Variants in PDZRN3 observed in about 807,000 individuals in gnomAD.
PDZRN3 encodes PDZ domain containing ring finger 3.
A neutral mutation model predicts 85.7 loss-of-function variants in PDZRN3; 38 were observed. The ratio of observed to expected loss-of-function variants is 0.44; its 90% CI spans 0.34 to 0.58. The LOEUF (loss-of-function observed/expected upper bound fraction) is 0.58. Among genes scored for constraint, PDZRN3 ranks in the 20% least tolerant of loss-of-function variants. PDZRN3 has a pLI of 0.01. For synonymous variants in PDZRN3, 759 were observed against 638.0 expected (o/e 1.19, Z -2.86); for missense variants, 1,629 against 1,506.4 (o/e 1.08, Z -1.35).
At chr3:73,476,295 C>T (rs967565764) in intron 3 of PDZRN3, among the ~76,000 whole-genome samples, 7 of 152,190 alleles carry the variant, frequency 4.6e-5, no homozygotes, top group African/African-American at 1.4e-4. Context: ...GAAGCTGGCA[C>T]ATCTTCACCT....
At chr3:73,499,098 C>A (rs558025781) in intron 3 of PDZRN3, among the ~76,000 whole-genome samples, 1 of 152,148 alleles carries the variant, frequency 6.6e-6, no homozygotes, top group Non-Finnish European at 1.5e-5. Context: ...AACAACCACA[C>A]GGCTGGTTCT....
intron 3 of PDZRN3, among the ~76,000 whole-genome samples, chr3:73,578,928 G>A (rs114666855): frequency 0.013 from 1,989 of 152,226 alleles, 19 homozygotes; most frequent in Middle Eastern, 0.034. Flanking sequence ...CCTCTTAGCC[G>A]GTCCCTACTC....
Position 73,568,317 on chromosome 3 carries a change from C to T in PDZRN3, c.918+34037G>A, listed in dbSNP as rs77258370. 7.2e-5 allele frequency among the ~76,000 whole-genome samples: 11 copies of T among 151,982 alleles called. No homozygotes were observed. The East Asian group carries it at 1.9e-3, about 27-fold the overall frequency. ...AGGTTAAAAGCCCTATAGTTATGTGCCTTTATTATAAATCTTCCCCTAAAA... is the reference window on the plus strand; with the variant it reads ...AGGTTAAAAGCCCTATAGTTATGTGTCTTTATTATAAATCTTCCCCTAAAA... On this transcript the variant is annotated intron_variant, in intron 3 of 9. Coordinates refer to ENST00000263666, the MANE Select transcript of PDZRN3 (RefSeq NM_015009.3).
At chr3:73,496,582 A>C (rs1703871260) in intron 3 of PDZRN3, among the ~76,000 whole-genome samples, 1 of 149,028 alleles carries the variant, frequency 6.7e-6, no homozygotes, top group Non-Finnish European at 1.5e-5. Context: ...AAAAAAAAAC[A>C]AAATTATAAC....
At chr3:73,605,328 GA>G (rs1198509086) in intron 2 of PDZRN3, among the ~76,000 whole-genome samples, 1 of 152,140 alleles carries the variant, frequency 6.6e-6, no homozygotes, top group East Asian at 1.9e-4. Flanking sequence ...ATATGACTTG[GA>G]ATTTATTTTG....
At chr3:73,608,538 T>C (rs929800041) in intron 2 of PDZRN3, 60 bp downstream of exon 2, 34 of 1,169,980 alleles carry the variant, frequency 2.9e-5, no homozygotes, top group Non-Finnish European at 3.8e-5. Flanking sequence ...CCTTCAAACC[T>C]TGACCTCTCT....
rs1443995683 is a variant in PDZRN3, at chr3:73,514,797, C to T, written c.918+87557G>A. On this transcript the variant is annotated intron_variant, in intron 3 of 9. Coordinates refer to ENST00000263666, the MANE Select transcript of PDZRN3 (RefSeq NM_015009.3). ...GAGCTAAAATTGTACAGTTGTAGTC[C>T]AACAATAATGGCAGATACAAAGGCT... Among the ~76,000 whole-genome samples the T allele has an allele frequency of 3.0e-4, 45 of 152,140 alleles. 1 individual carries two copies. The highest frequency in any genetic ancestry group is 2.9e-3 in the Admixed American group (45 of 15,266).
chr3:73,581,041 A>G (rs1464752918), intron 3 of PDZRN3, among the ~76,000 whole-genome samples: 1 of 152,218 alleles, frequency 6.6e-6, no homozygotes, highest in Non-Finnish European at 1.5e-5. Flanking sequence ...GAGGAGGGAT[A>G]CATTTTGGAG....
In PDZRN3 at chr3:73,463,932, A is replaced by G. The variant is rs185658420; in HGVS notation, c.919-59537T>C. Among the ~76,000 whole-genome samples the G allele has an allele frequency of 1.9e-4, 29 of 152,248 alleles. No individual in the cohort carries two copies. In the East Asian group the frequency reaches 2.9e-3, roughly 15 times the overall value. ...AACAAACCTGCACATCCTGCACGTT[A>G]CCCCTGAACTTAAAAGTTTTAAAAA... On this transcript the variant is annotated intron_variant, in intron 3 of 9. Transcript: ENST00000263666.
At chr3:73,451,512 C>T (rs949742967) in intron 3 of PDZRN3, among the ~76,000 whole-genome samples, 2 of 152,126 alleles carry the variant, frequency 1.3e-5, no homozygotes, top group African/African-American at 4.8e-5. Flanking sequence ...ATTAGTCCAA[C>T]AGAGACCAAA....
intron 3 of PDZRN3, among the ~76,000 whole-genome samples, chr3:73,539,249 C>T (rs1220211534): frequency 6.6e-6 from 1 of 152,108 alleles, no homozygotes; most frequent in East Asian, 1.9e-4. Context: ...AGTTTCGAAC[C>T]ACAAAATATT....
At chr3:73,601,181 T>C (rs896647450) in intron 3 of PDZRN3, among the ~76,000 whole-genome samples, 1 of 152,196 alleles carries the variant, frequency 6.6e-6, no homozygotes, top group African/African-American at 2.4e-5. Flanking sequence ...TGTGTCCAGA[T>C]GAGACTGGAA....
intron 3 of PDZRN3, among the ~76,000 whole-genome samples, chr3:73,427,900 G>C (rs1194900321): frequency 1.3e-5 from 2 of 152,238 alleles, no homozygotes; most frequent in African/African-American, 4.8e-5. Context: ...CAAAATACAG[G>C]AGCGGTGCAC....
rs1701372057 is a variant in PDZRN3, at chr3:73,385,885, G to C, written c.1519-100C>G. On this transcript the variant is annotated intron_variant, in intron 8 of 9. Transcript: ENST00000263666. ...TTACCTTGGGGGAAAATATTTCTAGGGCTTCCTCCAAGAGTCATCAAAATG... is the reference window on the plus strand; with the variant it reads ...TTACCTTGGGGGAAAATATTTCTAGCGCTTCCTCCAAGAGTCATCAAAATG... 3 of 740,058 alleles carry C rather than the reference G, an allele frequency of 4.1e-6. No individual in the cohort carries two copies. In the Admixed American group the frequency reaches 6.0e-5, roughly 15 times the overall value. The allele number at this position is 740,058 out of a possible 1,614,324, so 45.8% of individuals were successfully genotyped here.
intron 3 of PDZRN3, among the ~76,000 whole-genome samples, chr3:73,577,207 T>A (rs867924759): frequency 3.9e-5 from 6 of 152,160 alleles, no homozygotes; most frequent in Non-Finnish European, 7.3e-5. Flanking sequence ...TTCAGAACGA[T>A]GAATCTAAAG....
chr3:73,618,573 G>A (rs1409270108), intron 1 of PDZRN3, among the ~76,000 whole-genome samples: 1 of 151,070 alleles, frequency 6.6e-6, no homozygotes, highest in Non-Finnish European at 1.5e-5. Flanking sequence ...GGCACCCAGT[G>A]GAACTCAATG....
chr3:73,456,814 T>A (rs1702986709), intron 3 of PDZRN3, among the ~76,000 whole-genome samples: 1 of 152,164 alleles, frequency 6.6e-6, no homozygotes, highest in African/African-American at 2.4e-5. Context: ...CAGGCATAAA[T>A]ACTGCCCAGC....
intron 3 of PDZRN3, chr3:73,593,915 T>C (rs1196020518): frequency 6.6e-6 from 1 of 152,194 alleles, no homozygotes; most frequent in Admixed American, 6.5e-5. Flanking sequence ...AATTGCATCA[T>C]ACCATGTTTT....
chr3:73,481,708 T>C (rs1038994321), intron 3 of PDZRN3, among the ~76,000 whole-genome samples: 1 of 152,232 alleles, frequency 6.6e-6, no homozygotes, highest in African/African-American at 2.4e-5. Flanking sequence ...AGCAAACCTC[T>C]TACTCTTATT....
Sources: gnomAD v4.1 joint callset for allele counts (sites outside exome capture counted in the v4.1 genomes callset) on GRCh38, gnomAD v4.1.1 for gene constraint, MANE v1.5 for transcripts, NCBI Gene and HGNC (gene_info 2026-07-23, HGNC 2026-07-21) for gene names.